PLCG2: variants seen among roughly 807,000 people sequenced by gnomAD.
PLCG2 encodes 1-phosphatidylinositol 4,5-bisphosphate phosphodiesterase gamma-2.
In PLCG2, 69 loss-of-function variants were observed where a neutral mutation model predicts 175.6. The observed-to-expected ratio is 0.39, with a 90% confidence interval of 0.32 to 0.48. The LOEUF (loss-of-function observed/expected upper bound fraction) is 0.48. Among genes scored for constraint, PLCG2 ranks in the 20% least tolerant of loss-of-function variants. PLCG2 has a pLI of 0.91. For synonymous variants in PLCG2, 827 were observed against 624.0 expected, an observed-to-expected ratio of 1.33 and a Z score of -4.85; for missense variants, 1,798 against 1,650.9, an observed-to-expected ratio of 1.09 and a Z score of -1.54.
chr16:81,755,367 T>G (rs1326805749), intron 1 of PLCG2, among the ~76,000 whole-genome samples: 2 of 120,670 alleles, frequency 1.7e-5, no homozygotes, highest in African/African-American at 6.0e-5. Flanking sequence ...TGGCTAATTT[T>G]GTATTTTTTT....
At chr16:81,901,719 A>G (rs1270149418) in intron 14 of PLCG2, among the ~76,000 whole-genome samples, 1 of 152,222 alleles carries the variant, frequency 6.6e-6, no homozygotes, top group Non-Finnish European at 1.5e-5. Context: ...TATCCCGTTT[A>G]CAGTTATTGC....
intron 31 of PLCG2, among the ~76,000 whole-genome samples, chr16:81,956,270 C>T (rs1019168420): frequency 4.6e-5 from 7 of 152,170 alleles, no homozygotes; most frequent in South Asian, 2.1e-4. Flanking sequence ...TTATCTGCCT[C>T]CTGCCTGCCT....
At position 81,785,935 on chromosome 16, in the gene PLCG2, C is replaced by T. The variant is rs1236761263; in HGVS notation, c.-47-8C>T. 30 of 1,518,970 alleles carry T rather than the reference C, an allele frequency of 2.0e-5. No individual in the cohort carries two copies. The highest frequency in any genetic ancestry group is 7.1e-5 in the Admixed American group (4 of 56,610). The allele number at this position is 1,518,970 out of a possible 1,614,324, so 94.1% of individuals were successfully genotyped here. On this transcript the variant is annotated splice_polypyrimidine_tract_variant and splice_region_variant and intron_variant, in intron 1 of 32. Coordinates refer to ENST00000564138, the MANE Select transcript of PLCG2 (RefSeq NM_002661.5). ...AAATCAGTTCACTCTTTAATTCTGC[C>T]CTTTCAGCTTCCTGATTTCTCCCGA...
In PLCG2 at chr16:81,959,137, TAG is replaced by T; in HGVS notation, c.*1142_*1143del. Reference sequence around the variant, plus strand: ...CTGGGTTGGGAAGGGAGGTGGTTGGTAGAGTCACAACTTCTCAATGAGTGAAT... The same window carrying T: ...CTGGGTTGGGAAGGGAGGTGGTTGGTAGTCACAACTTCTCAATGAGTGAAT... On this transcript the variant is annotated 3_prime_UTR_variant, in exon 33 of 33. Coordinates refer to ENST00000564138, the MANE Select transcript of PLCG2 (RefSeq NM_002661.5). 4.5e-6 allele frequency: 1 copy of T among 224,028 alleles called. No homozygotes were observed. The highest frequency in any genetic ancestry group is 8.9e-6 in the Non-Finnish European group (1 of 112,288). 13.9% of individuals were successfully genotyped at this position (224,028 alleles called of 1,614,324 possible).
In PLCG2 at chr16:81,891,666, G is replaced by A. The variant is rs571194003; in HGVS notation, c.986+76G>A. 92 of 810,020 alleles carry A rather than the reference G, an allele frequency of 1.1e-4. 2 individuals are homozygous for A. The highest frequency in any genetic ancestry group is 1.1e-3 in the South Asian group (80 of 73,450). The allele number at this position is 810,020 out of a possible 1,614,324, so 50.2% of individuals were successfully genotyped here. On this transcript the variant is annotated intron_variant, in intron 11 of 32. Transcript: ENST00000564138. ...GGTTGAGGCAGGGGTCCGATACGCC[G>A]CTCCGGTGAGCCCTGTTGTGAAGCA... is the stretch of plus-strand genomic sequence containing the variant.
intron 2 of PLCG2, among the ~76,000 whole-genome samples, chr16:81,766,239 T>C (rs991109946): frequency 5.3e-5 from 8 of 152,236 alleles, no homozygotes; most frequent in Admixed American, 3.9e-4. Context: ...TAAACTGTTA[T>C]TCACCAAAAC....
intron 22 of PLCG2, among the ~76,000 whole-genome samples, chr16:81,926,344 A>G (rs185171698): frequency 1.3e-5 from 2 of 152,244 alleles, no homozygotes; most frequent in East Asian, 3.9e-4. Flanking sequence ...GGCTGCGGAA[A>G]ATAGCTCAAG....
chr16:81,849,202 C>T (rs1475547460), intron 2 of PLCG2, among the ~76,000 whole-genome samples: 7 of 152,052 alleles, frequency 4.6e-5, no homozygotes, highest in African/African-American at 2.4e-5. Flanking sequence ...GTTTGTATTT[C>T]GTAAGGTGAC....
Position 81,851,626 on chromosome 16 carries a change from C to T in PLCG2, c.194-2818C>T, listed in dbSNP as rs533512237. Among the ~76,000 whole-genome samples, 108 of 152,296 alleles carry T rather than the reference C, an allele frequency of 7.1e-4. No homozygotes were observed. The Middle Eastern group carries it at 0.014, about 19-fold the overall frequency. The stretch of plus-strand genomic sequence containing the variant: ...CTCCCGAGTTCAGGCGATTCTTCTG[C>T]CTCATCCTCCCAAGTAGCTGGTACA... On this transcript the variant is annotated intron_variant, in intron 2 of 32. Transcript: ENST00000564138.
chr16:81,930,536 T>C (rs1025437016), intron 24 of PLCG2, among the ~76,000 whole-genome samples: 4 of 152,212 alleles, frequency 2.6e-5, no homozygotes, highest in Admixed American at 2.6e-4. Context: ...TCGCTTGAGC[T>C]CAGGAGTTCG....
chr16:81,941,534 A>G (rs1328358949), intron 30 of PLCG2, among the ~76,000 whole-genome samples: 3 of 151,868 alleles, frequency 2.0e-5, no homozygotes, highest in African/African-American at 7.3e-5. Flanking sequence ...AGATGAAACA[A>G]GACTTTGGGA....
At position 81,818,533 on chromosome 16, in the gene PLCG2, C is replaced by T. The variant is rs560288980; in HGVS notation, c.193+32351C>T. Among the ~76,000 whole-genome samples, 152 of 152,078 alleles carry T rather than the reference C, an allele frequency of 1.0e-3. 1 individual carries two copies. The highest frequency in any genetic ancestry group is 3.2e-3 in the African/African-American group (134 of 41,488). On this transcript the variant is annotated intron_variant, in intron 2 of 32. Coordinates refer to ENST00000564138, the MANE Select transcript of PLCG2 (RefSeq NM_002661.5). ...ATCTTGGGGATACTCATCGGCTGCA[C>T]GGAAATGGAGCTCCGAAGGCCTGAG...
At chr16:81,947,291 T>C (rs1911189530) in intron 31 of PLCG2, among the ~76,000 whole-genome samples, 1 of 152,180 alleles carries the variant, frequency 6.6e-6, no homozygotes, top group African/African-American at 2.4e-5. Context: ...GGGTTCTAAA[T>C]GGAAAGTCGA....
intron 2 of PLCG2, among the ~76,000 whole-genome samples, chr16:81,789,582 C>G (rs1006995216): frequency 5.3e-5 from 8 of 152,220 alleles, no homozygotes; most frequent in African/African-American, 1.7e-4. Context: ...AACTACCATG[C>G]CCGGCCTCAA....
chr16:81,926,088 G>GT (rs1043594505), intron 22 of PLCG2, among the ~76,000 whole-genome samples: 1 of 108,224 alleles, frequency 9.2e-6, no homozygotes, highest in Non-Finnish European at 2.0e-5. Flanking sequence ...TCTTAAATTA[G>GT]TGGGGGGAAG....
At chr16:81,740,693 C>G (rs1470195031) in intron 1 of PLCG2, 1 of 125,242 alleles carries the variant, frequency 8.0e-6, no homozygotes, top group Non-Finnish European at 1.6e-5. Context: ...CCAGTGCACT[C>G]CAGCTTAGGC....
rs1362467323 is a variant in PLCG2, at chr16:81,859,108, C to T, written c.432-8C>T. 2 of 1,546,666 alleles carry T rather than the reference C, an allele frequency of 1.3e-6. No homozygotes were observed. Among genetic ancestry groups the T allele is most frequent in the African/African-American group, 2.7e-5 (2 of 73,732 alleles). On this transcript the variant is annotated splice_region_variant and splice_polypyrimidine_tract_variant and intron_variant, in intron 4 of 32. Transcript: ENST00000564138. Reference sequence around the variant, plus strand: ...TCTCTCTTTCTTTTGTCTCATATTTCTTTCCAGTTGGCTGAGAAAGCAGAT... The same window carrying T: ...TCTCTCTTTCTTTTGTCTCATATTTTTTTCCAGTTGGCTGAGAAAGCAGAT...
At chr16:81,948,001 T>C (rs555518176) in intron 31 of PLCG2, among the ~76,000 whole-genome samples, 5 of 152,332 alleles carry the variant, frequency 3.3e-5, no homozygotes, top group East Asian at 3.9e-4. Context: ...TTCAAAGCCA[T>C]TGATGCCTGT....
intron 2 of PLCG2, among the ~76,000 whole-genome samples, chr16:81,800,418 A>C (rs1255204055): frequency 6.6e-6 from 1 of 152,036 alleles, no homozygotes; most frequent in Non-Finnish European, 1.5e-5. Context: ...CCCTGTGTCC[A>C]TGTGTTCTCA....
Sources: gnomAD v4.1 joint callset for allele counts (sites outside exome capture counted in the v4.1 genomes callset) on GRCh38, gnomAD v4.1.1 for gene constraint, MANE v1.5 for transcripts, NCBI Gene and HGNC (gene_info 2026-07-23, HGNC 2026-07-21) for gene names.